ZNF239: variants seen among roughly 807,000 people sequenced by gnomAD.
The protein encoded by ZNF239 is zinc finger protein (C2H2) homologous to mouse MOK-2.
Under a neutral mutation model 27.5 loss-of-function variants are expected in ZNF239, and 16 were observed. The ratio of observed to expected loss-of-function variants is 0.58; its 90% CI spans 0.39 to 0.88. The LOEUF is 0.88. Ranked by LOEUF, ZNF239 falls within the 40% of genes least tolerant of loss-of-function variation. The pLI is 0.00. For synonymous variants in ZNF239, 199 were observed against 192.6 expected, an observed-to-expected ratio of 1.03 and a Z score of -0.27; for missense variants, 527 against 551.9, an observed-to-expected ratio of 0.95 and a Z score of 0.45.
At chr10:43,570,231 G>A in intron 2 of ZNF239, 1 of 985,310 alleles carries the variant, frequency 1.0e-6, no homozygotes, top group Non-Finnish European at 1.2e-6. Context: ...GATGGGTGCT[G>A]TCTCCCAAGC....
At chr10:43,564,735 C>T (rs1335158835) in intron 3 of ZNF239, among the ~76,000 whole-genome samples, 1 of 151,960 alleles carries the variant, frequency 6.6e-6, no homozygotes, top group Non-Finnish European at 1.5e-5. Flanking sequence ...TGCCATGTTG[C>T]CCAGGCTGGT....
At position 43,557,411 on chromosome 10, in the gene ZNF239, T is replaced by C. The variant is rs771292541; in HGVS notation, c.669A>G (p.Leu223=). The C allele has an allele frequency of 2.5e-6, 4 of 1,614,108 alleles. No individual in the cohort carries two copies. The Admixed American group carries it at 6.7e-5, about 27-fold the overall frequency. The part of the protein sequence containing the change: ...GKNFSQSSEL[L]LHQRDHTEEK... Reference sequence around the variant, plus strand: ...CTTCTGTGTGGTCTCTCTGATGAAGTAGTAGCTCTGAGCTTTGACTGAAGT... The same window carrying C: ...CTTCTGTGTGGTCTCTCTGATGAAGCAGTAGCTCTGAGCTTTGACTGAAGT... Residue 223 remains leucine, a synonymous_variant, in exon 4 of 4, where the codon CTA becomes CTG. Transcript: ENST00000374446.
At chr10:43,572,795 T>C (rs1200920990) in intron 2 of ZNF239, among the ~76,000 whole-genome samples, 3 of 152,226 alleles carry the variant, frequency 2.0e-5, no homozygotes, top group Non-Finnish European at 4.4e-5. Context: ...GATGGTTTTA[T>C]GGGGACAACT....
chr10:43,573,743 A>G (rs1838180217), intron 1 of ZNF239, 66 bp from the exon 2 acceptor site: 1 of 736,616 alleles, frequency 1.4e-6, no homozygotes, highest in South Asian at 6.2e-5. Context: ...ACTGCGGGGA[A>G]AAAGTTACTC....
Position 43,556,388 on chromosome 10 carries a change from A to C in ZNF239, c.*315T>G, listed in dbSNP as rs1434236915. The C allele has an allele frequency of 2.6e-5, 7 of 267,736 alleles. No individual in the cohort carries two copies. The allele number at this position is 267,736 out of a possible 1,614,324, so 16.6% of individuals were successfully genotyped here. On this transcript the variant is annotated 3_prime_UTR_variant, in exon 4 of 4. Transcript: ENST00000374446. ...TTCAATTTCTCAGAGAATGTGAACA[A>C]AGGGAAACATGCCCTGCTTGAGAAT... is the stretch of plus-strand genomic sequence containing the variant.
At chr10:43,567,535 G>A (rs926919808) in intron 3 of ZNF239, among the ~76,000 whole-genome samples, 2 of 152,144 alleles carry the variant, frequency 1.3e-5, no homozygotes, top group Non-Finnish European at 2.9e-5. Flanking sequence ...CTCCTGGAAC[G>A]TTGAAAAAGG....
chr10:43,570,802 CT>C (rs1443161218), intron 2 of ZNF239: 1 of 970,304 alleles, frequency 1.0e-6, no homozygotes, highest in Non-Finnish European at 1.2e-6. Context: ...CTTCCAGTCC[CT>C]AGGTTAGACA....
chr10:43,558,064 T>C lies in ZNF239; in HGVS notation c.16A>G (p.Thr6Ala), dbSNP rs1564455240. The C allele has an allele frequency of 6.2e-7, 1 of 1,613,540 alleles. No homozygotes were observed. MASTI[T>A]GSQDCIVNHR... The stretch of plus-strand genomic sequence containing the variant: ...TTCACAATACAATCCTGACTTCCAG[T>C]AATTGTACTGGCCATGCCTTCCAAA... The change falls in exon 4 of 4, where the codon ACT becomes GCT. Residue 6 changes from threonine (T) to alanine (A), a missense_variant. Coordinates refer to ENST00000374446, the MANE Select transcript of ZNF239 (RefSeq NM_001099282.2).
intron 2 of ZNF239, among the ~76,000 whole-genome samples, chr10:43,569,138 A>G (rs1215273846): frequency 2.0e-5 from 3 of 152,158 alleles, no homozygotes; most frequent in African/African-American, 7.2e-5. Flanking sequence ...AATTGCTCAA[A>G]CCAAAATCCC....
Position 43,556,972 on chromosome 10 carries a change from T to C in ZNF239, c.1108A>G (p.Thr370Ala). Reference sequence around the variant, plus strand: ...TAGCATTGGTAAGGCTTCTCTCCTGTGTGGATGCACCGGTGAATGTGAAGG... The same window carrying C: ...TAGCATTGGTAAGGCTTCTCTCCTGCGTGGATGCACCGGTGAATGTGAAGG... Reference protein sequence around the residue: ...SNLHIHRCIHTGEKPYQCYEC... With the variant: ...SNLHIHRCIHAGEKPYQCYEC... The change falls in exon 4 of 4, where the codon ACA becomes GCA. Residue 370 changes from threonine to alanine, a missense_variant. Coordinates refer to ENST00000374446, the MANE Select transcript of ZNF239 (RefSeq NM_001099282.2). 1 of 1,614,028 alleles carries C rather than the reference T, an allele frequency of 6.2e-7. No individual in the cohort carries two copies. The highest frequency in any genetic ancestry group is 1.1e-5 in the South Asian group (1 of 91,070).
At chr10:43,569,310 C>T (rs1392592908) in intron 2 of ZNF239, among the ~76,000 whole-genome samples, 1 of 152,206 alleles carries the variant, frequency 6.6e-6, no homozygotes, top group East Asian at 1.9e-4. Context: ...TGGTCTGACT[C>T]TACTCCTGCT....
At chr10:43,571,097 G>T in intron 2 of ZNF239, 1 of 810,054 alleles carries the variant, frequency 1.2e-6, no homozygotes, top group South Asian at 5.6e-5. Context: ...CTGTGCTCCT[G>T]CTTACAGTTG....
Position 43,561,993 on chromosome 10 carries a change from C to A in ZNF239, c.-92-3822G>T, listed in dbSNP as rs1837292847. ...TAAAAAAATTAAAAAGAACTATAAT[C>A]ATACTGTACTACTTGACTCTACAGT... On this transcript the variant is annotated intron_variant, in intron 3 of 3. Transcript: ENST00000374446. Among the ~76,000 whole-genome samples the A allele has an allele frequency of 2.6e-5, 4 of 152,144 alleles. No homozygotes were observed. The South Asian group carries it at 8.3e-4, about 31-fold the overall frequency.
intron 3 of ZNF239, among the ~76,000 whole-genome samples, chr10:43,564,971 C>T (rs968673722): frequency 6.6e-6 from 1 of 152,202 alleles, no homozygotes; most frequent in Non-Finnish European, 1.5e-5. Context: ...GAGAGTTGAA[C>T]ACCATTAAAT....
chr10:43,565,750 G>A (rs1588802503), intron 3 of ZNF239, among the ~76,000 whole-genome samples: 1 of 143,238 alleles, frequency 7.0e-6, no homozygotes, highest in African/African-American at 2.6e-5. Flanking sequence ...AGGAGGCGGA[G>A]GTGGCAGTGA....
At chr10:43,567,228 G>A (rs905183909) in intron 3 of ZNF239, among the ~76,000 whole-genome samples, 1 of 152,166 alleles carries the variant, frequency 6.6e-6, no homozygotes, top group African/African-American at 2.4e-5. Context: ...TTTTTGGGAG[G>A]GGAGAGGGAT....
chr10:43,556,967 T>G lies in ZNF239; in HGVS notation c.1113A>C (p.Gly371=), dbSNP rs1564449844. The change falls in exon 4 of 4, where the codon GGA becomes GGC. Residue 371 remains glycine, a synonymous_variant. Coordinates refer to ENST00000374446, the MANE Select transcript of ZNF239 (RefSeq NM_001099282.2). The part of the protein sequence containing the change: ...NLHIHRCIHT[G]EKPYQCYECG... ...ACTCATAGCATTGGTAAGGCTTCTC[T>G]CCTGTGTGGATGCACCGGTGAATGT... The G allele has an allele frequency of 7.4e-6, 12 of 1,613,584 alleles. No individual in the cohort carries two copies. The highest frequency in any genetic ancestry group is 1.0e-5 in the Non-Finnish European group (12 of 1,179,866).
intron 3 of ZNF239, among the ~76,000 whole-genome samples, chr10:43,562,653 C>T (rs1293116672): frequency 1.3e-5 from 2 of 152,180 alleles, no homozygotes; most frequent in Non-Finnish European, 2.9e-5. Context: ...CTTTGGAAGC[C>T]ACACTGTGGC....
chr10:43,558,914 T>C (rs1194783262), intron 3 of ZNF239, among the ~76,000 whole-genome samples: 1 of 151,896 alleles, frequency 6.6e-6, no homozygotes, highest in Non-Finnish European at 1.5e-5. Flanking sequence ...GATGAATGTA[T>C]AGTACAATAC....
Sources: allele counts gnomAD v4.1 joint callset (sites outside exome capture counted in the v4.1 genomes callset), GRCh38; gene constraint gnomAD v4.1.1; transcripts MANE v1.5; gene names NCBI Gene and HGNC (gene_info 2026-07-23, HGNC 2026-07-21).